Variants in KLK4 observed in about 807,000 individuals in gnomAD.
The protein encoded by KLK4 is kallikrein related peptidase 4, also known as kallikrein-4.
A neutral mutation model predicts 24.3 loss-of-function variants in KLK4; 24 were observed. The ratio of observed to expected loss-of-function variants is 0.99; its 90% CI spans 0.72 to 1.39. KLK4 has a LOEUF of 1.39. KLK4 is among the 40% of genes most tolerant of loss of function. The pLI, the probability that KLK4 is intolerant of heterozygous loss-of-function variation, is 0.00. For missense variants in KLK4, 344 were observed against 327.4 expected (o/e 1.05, Z -0.39); for synonymous variants, 142 against 138.8 (o/e 1.02, Z -0.16).
rs1266288524 is a variant in KLK4 at position 50,907,062 on chromosome 19, A to G, written c.637T>C (p.Cys213Arg). ...ACAAGGCCCTGCAAGTACCCGTTGC[A>G]GATCAGGGGCCCCCCAGAGTCACCC... Residue 213 changes from cysteine to arginine, a missense_variant, in exon 6 of 6, where the codon TGC becomes CGC. Coordinates refer to ENST00000324041, the Ensembl canonical transcript of KLK4. 14 of 1,614,068 alleles carry G rather than the reference A, an allele frequency of 8.7e-6. No individual in the cohort carries two copies. The highest frequency in any genetic ancestry group is 1.1e-5 in the Non-Finnish European group (13 of 1,180,042).
rs1329546828 is a variant in KLK4 at position 50,909,330 on chromosome 19, ACCAGTGCCGCCTG to A, written c.133_145del (p.Gln45SerfsTer120). ...CGAGCAGAACAATTCGTTTTCCATG[ACCAGTGCCGCCTG>A]CCAGGGCTGCGAGTGCGGGCTGCAG... On this transcript the variant is annotated frameshift_variant, in exon 3 of 6. Coordinates refer to ENST00000324041, the Ensembl canonical transcript of KLK4. LOFTEE classifies it high-confidence loss of function. 1 of 1,614,162 alleles carries A rather than the reference ACCAGTGCCGCCTG, an allele frequency of 6.2e-7. No homozygotes were observed. Among genetic ancestry groups the A allele is most frequent in the East Asian group, 2.2e-5 (1 of 44,866 alleles).
Position 50,910,824 on chromosome 19 carries a change from T to A in KLK4, c.-11-75A>T. ...GTCTCTCCATCCCTCTCTTTGTCCCTCCCTTTCTTCCCTCTGGGACGTTAT... is the reference window on the plus strand; with the variant it reads ...GTCTCTCCATCCCTCTCTTTGTCCCACCCTTTCTTCCCTCTGGGACGTTAT... On this transcript the variant is annotated intron_variant, in intron 1 of 5. Transcript: ENST00000324041. This position sits in a 1 kb window ranked among gnomAD's most constrained non-coding sequence, Gnocchi z 4.4. The A allele has an allele frequency of 7.9e-7, 1 of 1,267,220 alleles. No homozygotes were observed. Among genetic ancestry groups the A allele is most frequent in the East Asian group, 2.5e-5 (1 of 39,664 alleles). 78.5% of individuals were successfully genotyped at this position (1,267,220 alleles called of 1,614,324 possible). A position where few individuals can be genotyped will look rare whatever the true frequency, so the allele number is the denominator to read the frequency against.
In KLK4 at chr19:50,910,858, CAAGA is replaced by C; in HGVS notation, c.-11-113_-11-110del. The C allele has an allele frequency of 1.0e-6, 1 of 953,212 alleles. No homozygotes were observed. Among genetic ancestry groups the C allele is most frequent in the Non-Finnish European group, 1.6e-6 (1 of 607,584 alleles). 59.0% of individuals were successfully genotyped at this position (953,212 alleles called of 1,614,324 possible). On this transcript the variant is annotated intron_variant, in intron 1 of 5. Transcript: ENST00000324041. This position sits in a 1 kb window ranked among gnomAD's most constrained non-coding sequence, Gnocchi z 4.4. The stretch of plus-strand genomic sequence containing the variant: ...TCCCTCTGGGACGTTATTAGGTAGG[CAAGA>C]GCCTAGACCATCTACCCCCTCTCCC...
chr19:50,908,642 C>G (rs1600046626), exon 4 of KLK4: 1 of 1,614,116 alleles, frequency 6.2e-7, no homozygotes, highest in African/African-American at 1.3e-5. Context: ...CACTGCGAAG[C>G]AATGCTGATG....
chr19:50,908,330 C>T (rs779628001), intron 5 of KLK4, 29 bp downstream of exon 5: 1 of 1,610,096 alleles, frequency 6.2e-7, no homozygotes, highest in South Asian at 1.1e-5. Context: ...TTCCCTGAGT[C>T]GCCTGCCCTC....
intron 2 of KLK4, 94 bp from the exon 3 acceptor site, chr19:50,909,508 A>T: frequency 7.5e-7 from 1 of 1,336,278 alleles, no homozygotes; most frequent in African/African-American, 1.4e-5. Flanking sequence ...TCAGAGGTTC[A>T]GGAGCAGTCA....
In KLK4 at chr19:50,910,648, G is replaced by A. The variant is rs373273641; in HGVS notation, c.61+30C>T. ...TAACAAACACTGTGCCCCCAAGCAC[G>A]GACAGACACACACACGCATACTCAG... On this transcript the variant is annotated intron_variant, in intron 2 of 5. Transcript: ENST00000324041. The surrounding 1 kb of genome is among the most constrained non-coding windows in gnomAD (Gnocchi z 4.4). 693 of 1,546,278 alleles carry A rather than the reference G, an allele frequency of 4.5e-4. 12 individuals carry two copies. In the South Asian group the frequency reaches 7.1e-3, roughly 16 times the overall value.
Position 50,906,945 on chromosome 19 carries a change from G to A in KLK4, c.754C>T (p.Gln252Ter). 1 of 1,614,152 alleles carries A rather than the reference G, an allele frequency of 6.2e-7. No homozygotes were observed. The highest frequency in any genetic ancestry group is 1.3e-5 in the African/African-American group (1 of 75,014). The change falls in exon 6 of 6, where the codon CAG (glutamine) becomes TAG (stop). Residue 252 changes from glutamine to a stop codon, truncating the protein, a stop_gained. Coordinates refer to ENST00000324041, the Ensembl canonical transcript of KLK4. LOFTEE classifies it high-confidence loss of function. ...CCCAGTCCCCAGAGTTAACTGGCCT[G>A]GACGGTTTTCTCTATCCACTCAGTG...
exon 4 of KLK4, chr19:50,908,809 C>G (rs1420395054): frequency 6.2e-7 from 1 of 1,612,938 alleles, no homozygotes; most frequent in South Asian, 1.1e-5. Context: ...ACTGTGCAGG[C>G]CCAGCCCGAT....
chr19:50,908,198 T>C lies in KLK4; in HGVS notation c.612+161A>G, dbSNP rs1017761591. 4 of 844,990 alleles carry C rather than the reference T, an allele frequency of 4.7e-6. No homozygotes were observed. The East Asian group carries it at 7.8e-5, about 16-fold the overall frequency. 52.3% of individuals were successfully genotyped at this position (844,990 alleles called of 1,614,324 possible). On this transcript the variant is annotated intron_variant, in intron 5 of 5. Transcript: ENST00000324041. ...CTCTTCCTTTGCTTCTCTTTATTCC[T>C]GTGTTTATTTCTCTGTTTCTCTCAG...
exon 4 of KLK4, chr19:50,908,652 G>T (rs752827790): frequency 6.2e-7 from 1 of 1,614,232 alleles, no homozygotes; most frequent in Non-Finnish European, 8.5e-7. Flanking sequence ...CAATGCTGAT[G>T]CTCCGGATGG....
chr19:50,907,066 C>A, exon 6 of KLK4: 1 of 1,614,150 alleles, frequency 6.2e-7, no homozygotes. Flanking sequence ...CGTTGCAGAT[C>A]AGGGGCCCCC....
intron 1 of KLK4, among the ~76,000 whole-genome samples, chr19:50,911,089 C>T (rs931223749): frequency 1.3e-5 from 2 of 152,054 alleles, no homozygotes; most frequent in Non-Finnish European, 2.9e-5. Context: ...GAATCAGAGC[C>T]GGAGAGACAG....
chr19:50,907,143 T>C (rs556338164), intron 5 of KLK4, 57 bp from the exon 6 acceptor site: 8 of 1,576,542 alleles, frequency 5.1e-6, no homozygotes, highest in African/African-American at 2.7e-5. Context: ...GAAATGGATG[T>C]GGGCTCAGAA....
At chr19:50,906,966 C>T in exon 6 of KLK4, 1 of 1,614,178 alleles carries the variant, frequency 6.2e-7, no homozygotes, top group Non-Finnish European at 8.5e-7. Flanking sequence ...TCTATCCACT[C>T]AGTGAATTTG....
intron 3 of KLK4, 72 bp from the exon 4 acceptor site, chr19:50,908,901 T>C: frequency 6.3e-7 from 1 of 1,590,332 alleles, no homozygotes; most frequent in Admixed American, 1.7e-5. Flanking sequence ...TTCAACCCCA[T>C]TCCCATCCCC....
intron 2 of KLK4, among the ~76,000 whole-genome samples, chr19:50,909,982 T>C (rs1304241493): frequency 6.6e-6 from 1 of 151,978 alleles, no homozygotes; most frequent in Non-Finnish European, 1.5e-5. Context: ...GAGTCAGGGC[T>C]CTGGGGTGAG....
chr19:50,908,305 C>A, intron 5 of KLK4, 54 bp downstream of exon 5: 1 of 1,603,542 alleles, frequency 6.2e-7, no homozygotes, highest in Admixed American at 1.7e-5. Context: ...GTCTCTGTCT[C>A]CCCCTTCTCC....
intron 1 of KLK4, among the ~76,000 whole-genome samples, 108 bp downstream of exon 1, chr19:50,911,231 T>C (rs2569526): frequency 0.021 from 3,260 of 152,130 alleles, 91 homozygotes; most frequent in African/African-American, 0.067. Flanking sequence ...TCTAGAGAGA[T>C]GTGGAGACAG....
Sources: gnomAD v4.1 joint callset for allele counts (sites outside exome capture counted in the v4.1 genomes callset) on GRCh38, gnomAD v4.1.1 for gene constraint, Gnocchi (gnomAD v3.1) non-coding constraint, MANE v1.5 for transcripts, NCBI Gene and HGNC (gene_info 2026-07-23, HGNC 2026-07-21) for gene names.